EYS: variants seen among roughly 807,000 people sequenced by gnomAD.
EYS encodes EGF-like photoreceptor maintenance factor.
EYS carries 250 observed loss-of-function variants against 282.1 expected under a neutral mutation model. That is an observed-to-expected ratio of 0.89 (90% CI 0.80 to 0.98). The LOEUF is 0.98. Ranked by LOEUF, EYS falls within the 50% of genes least tolerant of loss-of-function variation. The pLI is 0.00. For missense variants in EYS, 4,016 were observed against 3,709.0 expected, an observed-to-expected ratio of 1.08 and a Z score of -2.15; for synonymous variants, 1,355 against 1,282.9, an observed-to-expected ratio of 1.06 and a Z score of -1.20.
intron 33 of EYS, among the ~76,000 whole-genome samples, chr6:64,052,843 A>AGGT (rs1197840175): frequency 6.6e-6 from 1 of 152,100 alleles, no homozygotes; most frequent in Non-Finnish European, 1.5e-5. Context: ...CCCTGCGAAG[A>AGGT]GGTGCCTTCT....
chr6:65,587,047 A>G (rs1415236920), intron 2 of EYS, among the ~76,000 whole-genome samples: 1 of 152,054 alleles, frequency 6.6e-6, no homozygotes, highest in Admixed American at 6.6e-5. Flanking sequence ...AATATCTTGA[A>G]GTATATGCAT....
At chr6:64,091,290 A>T (rs1352585533) in intron 31 of EYS, among the ~76,000 whole-genome samples, 1 of 152,150 alleles carries the variant, frequency 6.6e-6, no homozygotes, top group Admixed American at 6.6e-5. Flanking sequence ...ATTTATATAT[A>T]GACTATAATA....
chr6:64,762,717 C>T (rs77086596), intron 22 of EYS, among the ~76,000 whole-genome samples: 2,353 of 152,136 alleles, frequency 0.015, 67 homozygotes, highest in African/African-American at 0.054. Context: ...CCATGGTGCT[C>T]ACCCCTCATA....
intron 35 of EYS, among the ~76,000 whole-genome samples, chr6:63,909,819 G>A (rs928676200): frequency 1.3e-5 from 2 of 152,136 alleles, no homozygotes; most frequent in African/African-American, 4.8e-5. Context: ...CTGGACATCA[G>A]GACTATCAAA....
intron 18 of EYS, among the ~76,000 whole-genome samples, chr6:64,895,272 G>T (rs927393860): frequency 1.3e-5 from 2 of 152,180 alleles, no homozygotes; most frequent in African/African-American, 2.4e-5. Flanking sequence ...CAGAGCTCCT[G>T]GTACCTGAGT....
Position 65,042,330 on chromosome 6 carries a change from T to G in EYS, c.2137+15284A>C, listed in dbSNP as rs1460428472. On this transcript the variant is annotated intron_variant, in intron 13 of 42. Coordinates refer to ENST00000503581, the MANE Select transcript of EYS (RefSeq NM_001142800.2). ...ATGAATAATCTATACCTCGGTTGGA[T>G]TTTTGTCTAGTTCATTGACATTTTA... 2.0e-5 allele frequency among the ~76,000 whole-genome samples: 3 copies of G among 151,610 alleles called. No homozygotes were observed. The East Asian group carries it at 5.8e-4, about 29-fold the overall frequency.
intron 31 of EYS, among the ~76,000 whole-genome samples, chr6:64,124,789 T>G (rs761686991): frequency 1.1e-4 from 16 of 151,970 alleles, no homozygotes; most frequent in Non-Finnish European, 2.1e-4. Flanking sequence ...TCAAACATAA[T>G]CAGAAATTCA....
chr6:63,988,275 C>T (rs977572532), intron 34 of EYS, among the ~76,000 whole-genome samples: 2 of 151,606 alleles, frequency 1.3e-5, no homozygotes, highest in Non-Finnish European at 3.0e-5. Context: ...GATCACACAC[C>T]TGGAAAAGTG....
At chr6:64,999,731 C>A (rs2150126844) in intron 13 of EYS, among the ~76,000 whole-genome samples, 1 of 152,302 alleles carries the variant, frequency 6.6e-6, no homozygotes, top group South Asian at 2.1e-4. Context: ...AGCAGAGGAA[C>A]ACACAGGTGG....
rs1562015606 is a variant in EYS at position 63,765,063 on chromosome 6, GT to G, written c.7899-2431del. Among the ~76,000 whole-genome samples, 1,134 of 152,090 alleles carry G rather than the reference GT, an allele frequency of 7.5e-3. 18 individuals are homozygous for G. Among genetic ancestry groups the G allele is most frequent in the African/African-American group, 0.026 (1,065 of 41,514 alleles). On this transcript the variant is annotated intron_variant, in intron 40 of 42. Transcript: ENST00000503581. ...TCTGCCCTGAGGAGGAGTAGATTTTGTAGAAGTATGTGTGTGAGGTGAGGTG... is the reference window on the plus strand; with the variant it reads ...TCTGCCCTGAGGAGGAGTAGATTTTGAGAAGTATGTGTGTGAGGTGAGGTG...
intron 2 of EYS, among the ~76,000 whole-genome samples, chr6:65,569,330 A>G (rs1030694632): frequency 6.6e-6 from 1 of 152,044 alleles, no homozygotes; most frequent in Admixed American, 6.6e-5. Context: ...TTTCGGACTC[A>G]GCCCGCCTGC....
chr6:64,873,076 A>G (rs1224016047), intron 19 of EYS, among the ~76,000 whole-genome samples: 6 of 152,088 alleles, frequency 3.9e-5, no homozygotes, highest in Non-Finnish European at 2.9e-5. Flanking sequence ...TACACTGCTG[A>G]TAAAGACACA....
chr6:65,337,609 G>A (rs75751378), intron 10 of EYS, among the ~76,000 whole-genome samples: 19,826 of 150,772 alleles, frequency 0.13, 1,510 homozygotes, highest in Non-Finnish European at 0.17. Context: ...TAAAAAAAGA[G>A]AATATTCTCT....
intron 13 of EYS, among the ~76,000 whole-genome samples, chr6:65,031,999 A>G (rs948081677): frequency 2.0e-5 from 3 of 152,154 alleles, no homozygotes; most frequent in African/African-American, 7.2e-5. Flanking sequence ...AAAATGTTGA[A>G]GATCCAAATA....
intron 1 of EYS, among the ~76,000 whole-genome samples, chr6:65,654,741 C>T (rs1562311758): frequency 6.6e-6 from 1 of 151,444 alleles, no homozygotes; most frequent in Non-Finnish European, 1.5e-5. Context: ...GGAAAAAGAA[C>T]TAAAATTGTT....
intron 12 of EYS, among the ~76,000 whole-genome samples, chr6:65,158,863 G>A (rs563336111): frequency 1.3e-5 from 2 of 150,858 alleles, no homozygotes; most frequent in South Asian, 4.2e-4. Flanking sequence ...TTTGCACTGC[G>A]GAATCATTTC....
intron 29 of EYS, among the ~76,000 whole-genome samples, chr6:64,320,069 A>G (rs1770152974): frequency 6.6e-6 from 1 of 151,848 alleles, no homozygotes; most frequent in African/African-American, 2.4e-5. Context: ...TTTTTGTTGG[A>G]TTTGGAATTC....
intron 31 of EYS, among the ~76,000 whole-genome samples, chr6:64,205,814 T>TACACACACACACAC (rs147264812): frequency 7.3e-6 from 1 of 136,282 alleles, no homozygotes; most frequent in Non-Finnish European, 1.6e-5. Context: ...TAGGCATTCA[T>TACACACACACACAC]ACACACACAC....
At chr6:65,393,087 C>G (rs1189958056) in intron 7 of EYS, among the ~76,000 whole-genome samples, 1 of 151,730 alleles carries the variant, frequency 6.6e-6, no homozygotes, top group Non-Finnish European at 1.5e-5. Flanking sequence ...AAACCAAACA[C>G]CACATGTTCT....
Sources: allele counts gnomAD v4.1 joint callset (sites outside exome capture counted in the v4.1 genomes callset), GRCh38; gene constraint gnomAD v4.1.1; transcripts MANE v1.5; gene names NCBI Gene and HGNC (gene_info 2026-07-23, HGNC 2026-07-21).